SUSD6: variants seen among roughly 807,000 people sequenced by gnomAD.
SUSD6 encodes the protein sushi domain-containing protein 6.
Under a neutral mutation model 28.4 loss-of-function variants are expected in SUSD6, and 16 were observed. The observed-to-expected ratio is 0.56, with a 90% CI of 0.38 to 0.86. The LOEUF is 0.86. Ranked by LOEUF, SUSD6 falls within the 40% of genes least tolerant of loss-of-function variation. The pLI is 0.00. For missense variants in SUSD6, 341 were observed against 384.2 expected, an observed-to-expected ratio of 0.89 and a Z score of 0.94; for synonymous variants, 147 against 159.6, an observed-to-expected ratio of 0.92 and a Z score of 0.59.
intron 1 of SUSD6, among the ~76,000 whole-genome samples, chr14:69,640,091 G>A (rs997984467): frequency 1.3e-5 from 2 of 149,198 alleles, no homozygotes; most frequent in Admixed American, 6.8e-5. Context: ...GAGGAACCAC[G>A]AAACTATTAA....
chr14:69,637,645 A>G (rs1234860152), intron 1 of SUSD6, among the ~76,000 whole-genome samples: 1 of 152,118 alleles, frequency 6.6e-6, no homozygotes, highest in Non-Finnish European at 1.5e-5. Context: ...CCCCACCCCC[A>G]GGACACTCTT....
intron 2 of SUSD6, among the ~76,000 whole-genome samples, chr14:69,702,380 C>T (rs547925332): frequency 6.6e-6 from 1 of 152,168 alleles, no homozygotes; most frequent in Non-Finnish European, 1.5e-5. Context: ...TTTGCAGTGT[C>T]AGTCCAGAGT....
intron 1 of SUSD6, among the ~76,000 whole-genome samples, chr14:69,640,786 T>G (rs1254361851): frequency 6.6e-6 from 1 of 152,264 alleles, no homozygotes; most frequent in Admixed American, 6.5e-5. Flanking sequence ...TATTCTGATA[T>G]GGGATGAATC....
chr14:69,678,221 C>T (rs1029770386), intron 2 of SUSD6, among the ~76,000 whole-genome samples: 1 of 150,550 alleles, frequency 6.6e-6, no homozygotes, highest in Non-Finnish European at 1.5e-5. Context: ...TTTTTTCACT[C>T]AAGATTTCTT....
At chr14:69,704,799 GC>G in intron 4 of SUSD6, 57 bp downstream of exon 4, 1 of 1,579,190 alleles carries the variant, frequency 6.3e-7, no homozygotes, top group South Asian at 1.1e-5. Flanking sequence ...TACTGTGGGG[GC>G]CAGTCTTTGG....
intron 1 of SUSD6, among the ~76,000 whole-genome samples, chr14:69,621,761 G>T (rs554557814): frequency 8.5e-5 from 13 of 152,162 alleles, no homozygotes; most frequent in Admixed American, 2.0e-4. Flanking sequence ...ACTGTTTTTG[G>T]GGGGGCAGTT....
At chr14:69,702,707 C>T (rs1468478775) in intron 2 of SUSD6, among the ~76,000 whole-genome samples, 1 of 152,202 alleles carries the variant, frequency 6.6e-6, no homozygotes, top group African/African-American at 2.4e-5. Flanking sequence ...ACTTTTGTGG[C>T]CCTCAGTGTC....
At chr14:69,695,773 G>GT (rs1421862772) in intron 2 of SUSD6, among the ~76,000 whole-genome samples, 7 of 152,196 alleles carry the variant, frequency 4.6e-5, no homozygotes, top group East Asian at 1.9e-4. Flanking sequence ...TTTCTAGAGG[G>GT]TTTTTTGTGA....
chr14:69,612,898 C>T (rs1343262791), intron 1 of SUSD6, among the ~76,000 whole-genome samples: 1 of 152,090 alleles, frequency 6.6e-6, no homozygotes, highest in African/African-American at 2.4e-5. Flanking sequence ...GTTTTCGTTC[C>T]TCTGGTGTAA....
At chr14:69,667,504 G>A (rs1249475119) in intron 2 of SUSD6, among the ~76,000 whole-genome samples, 3 of 150,972 alleles carry the variant, frequency 2.0e-5, no homozygotes, top group African/African-American at 7.3e-5. Flanking sequence ...AGCCTCCCGA[G>A]TAGCTGGGAC....
intron 1 of SUSD6, among the ~76,000 whole-genome samples, chr14:69,656,385 T>G (rs1885583569): frequency 6.6e-6 from 1 of 152,226 alleles, no homozygotes; most frequent in Non-Finnish European, 1.5e-5. Flanking sequence ...CCACTGGTTA[T>G]TGCCTTGAGG....
At chr14:69,657,696 A>G (rs78911502) in intron 1 of SUSD6, among the ~76,000 whole-genome samples, 6,095 of 152,342 alleles carry the variant, frequency 0.04, 435 homozygotes, top group African/African-American at 0.14. Flanking sequence ...GGCCCACACC[A>G]TAATGTATTG....
intron 1 of SUSD6, among the ~76,000 whole-genome samples, chr14:69,630,628 A>G (rs1388837656): frequency 6.6e-6 from 1 of 152,128 alleles, no homozygotes; most frequent in Non-Finnish European, 1.5e-5. Flanking sequence ...AACAAGTGCA[A>G]AGACCCAGGC....
At chr14:69,666,001 C>A (rs1187015603) in intron 2 of SUSD6, among the ~76,000 whole-genome samples, 1 of 152,224 alleles carries the variant, frequency 6.6e-6, no homozygotes, top group Non-Finnish European at 1.5e-5. Flanking sequence ...ATTGGAAGAT[C>A]AGATCCTAGC....
chr14:69,702,959 C>G (rs190654781), intron 2 of SUSD6, among the ~76,000 whole-genome samples: 1 of 152,084 alleles, frequency 6.6e-6, no homozygotes, highest in African/African-American at 2.4e-5. Flanking sequence ...CAAGAGTGCA[C>G]GTTTTTATTA....
At chr14:69,676,082 A>T (rs1160241938) in intron 2 of SUSD6, among the ~76,000 whole-genome samples, 1 of 152,214 alleles carries the variant, frequency 6.6e-6, no homozygotes, top group Non-Finnish European at 1.5e-5. Flanking sequence ...GGGGGAAAAG[A>T]TAAGACAATT....
intron 1 of SUSD6, among the ~76,000 whole-genome samples, chr14:69,635,998 G>T (rs893106814): frequency 3.3e-5 from 5 of 152,246 alleles, no homozygotes; most frequent in African/African-American, 4.8e-5. Flanking sequence ...AATTTAGTAA[G>T]TTGGTTTAAC....
intron 2 of SUSD6, among the ~76,000 whole-genome samples, chr14:69,694,138 T>C (rs2139639202): frequency 1.3e-5 from 2 of 152,350 alleles, no homozygotes; most frequent in Middle Eastern, 6.8e-3. Context: ...CTTAGATGTG[T>C]GGGTTGGTGG....
At chr14:69,670,788 G>T (rs1885819642) in intron 2 of SUSD6, among the ~76,000 whole-genome samples, 2 of 152,282 alleles carry the variant, frequency 1.3e-5, no homozygotes, top group Admixed American at 6.5e-5. Flanking sequence ...CTGTTGCGGG[G>T]AGTCTGGAGG....
Sources: allele counts gnomAD v4.1 joint callset (sites outside exome capture counted in the v4.1 genomes callset), GRCh38; gene constraint gnomAD v4.1.1; transcripts MANE v1.5; gene names NCBI Gene and HGNC (gene_info 2026-07-23, HGNC 2026-07-21).